HS6ST3: variants seen among roughly 807,000 people sequenced by gnomAD.
HS6ST3 encodes heparan-sulfate 6-O-sulfotransferase 3.
In HS6ST3, 12 loss-of-function variants were observed where a neutral mutation model predicts 36.7. The ratio of observed to expected loss-of-function variants is 0.33; its 90% confidence interval spans 0.21 to 0.53. The LOEUF (loss-of-function observed/expected upper bound fraction) is 0.53, where lower values mean the gene tolerates loss of function less well. HS6ST3 is among the 20% of genes least tolerant of loss of function. The pLI is 0.95. For missense variants in HS6ST3, 584 were observed against 640.9 expected (o/e 0.91, Z 0.96); for synonymous variants, 240 against 257.5 (o/e 0.93, Z 0.65).
intron 1 of HS6ST3, among the ~76,000 whole-genome samples, chr13:96,559,119 TATC>T (rs1263066079): frequency 6.2e-4 from 93 of 150,496 alleles, no homozygotes; most frequent in African/African-American, 2.2e-3. Flanking sequence ...TCTATCTATC[TATC>T]TATTTATTTA....
intron 1 of HS6ST3, among the ~76,000 whole-genome samples, chr13:96,227,875 A>T (rs1442358340): frequency 1.3e-5 from 2 of 152,190 alleles, no homozygotes; most frequent in Non-Finnish European, 2.9e-5. Context: ...TTATGATCTC[A>T]CAGTATCAAA....
chr13:96,212,172 G>GGAATT (rs2054402270), intron 1 of HS6ST3, among the ~76,000 whole-genome samples: 1 of 152,194 alleles, frequency 6.6e-6, no homozygotes. Context: ...TGGTGAGAGA[G>GGAATT]GAATTGAATT....
chr13:96,388,263 T>C (rs2055378218), intron 1 of HS6ST3, among the ~76,000 whole-genome samples: 1 of 152,196 alleles, frequency 6.6e-6, no homozygotes, highest in South Asian at 2.1e-4. Context: ...GAGTTGGATA[T>C]GGTTCTAAGA....
Position 96,327,500 on chromosome 13 carries a change from C to T in HS6ST3, c.707+235931C>T, listed in dbSNP as rs1017141820. On this transcript the variant is annotated intron_variant, in intron 1 of 1. Coordinates refer to ENST00000376705, the MANE Select transcript of HS6ST3 (RefSeq NM_153456.4). ...AGATCAGATAGTTGTAGATATGTGG[C>T]GTTATTTCTGAGGGCTCTGTTCTGT... is the stretch of plus-strand genomic sequence containing the variant. Among the ~76,000 whole-genome samples, 25 of 151,916 alleles carry T rather than the reference C, an allele frequency of 1.6e-4. 1 individual carries two copies. Among genetic ancestry groups the T allele is most frequent in the South Asian group, 8.3e-4 (4 of 4,798 alleles).
chr13:96,269,734 C>T (rs190256744), intron 1 of HS6ST3, among the ~76,000 whole-genome samples: 10 of 152,116 alleles, frequency 6.6e-5, no homozygotes, highest in Admixed American at 6.5e-4. Context: ...AAGCACACCT[C>T]CACCCAGAAT....
intron 1 of HS6ST3, among the ~76,000 whole-genome samples, chr13:96,705,258 A>C (rs180953357): frequency 6.6e-6 from 1 of 152,226 alleles, no homozygotes; most frequent in Non-Finnish European, 1.5e-5. Context: ...CTACCTAAAA[A>C]TTCTCTTTGT....
intron 1 of HS6ST3, among the ~76,000 whole-genome samples, chr13:96,429,156 A>G (rs932270754): frequency 6.6e-6 from 1 of 152,214 alleles, no homozygotes; most frequent in East Asian, 1.9e-4. Flanking sequence ...GAGCTGTTAA[A>G]CCAAGGACAG....
At chr13:96,431,840 C>A (rs1594778844) in intron 1 of HS6ST3, among the ~76,000 whole-genome samples, 1 of 152,218 alleles carries the variant, frequency 6.6e-6, no homozygotes, top group African/African-American at 2.4e-5. Context: ...AAAGCCCCAG[C>A]TCTTCAAACT....
chr13:96,602,414 A>G (rs919231967), intron 1 of HS6ST3, among the ~76,000 whole-genome samples: 2 of 152,126 alleles, frequency 1.3e-5, no homozygotes, highest in Admixed American at 6.5e-5. Flanking sequence ...TTCTTCATAC[A>G]CTGATTTTGG....
chr13:96,668,310 A>C (rs552428886), intron 1 of HS6ST3, among the ~76,000 whole-genome samples: 1 of 152,294 alleles, frequency 6.6e-6, no homozygotes, highest in South Asian at 2.1e-4. Flanking sequence ...TTATTCAGTC[A>C]TGAGAAAAAC....
At chr13:96,732,901 G>A (rs527245339) in intron 1 of HS6ST3, among the ~76,000 whole-genome samples, 2 of 152,108 alleles carry the variant, frequency 1.3e-5, no homozygotes, top group African/African-American at 4.8e-5. Context: ...TGTAACTATT[G>A]TAAATGGGCT....
intron 1 of HS6ST3, among the ~76,000 whole-genome samples, chr13:96,825,046 C>T (rs9513186): frequency 0.072 from 10,973 of 152,136 alleles, 472 homozygotes; most frequent in Middle Eastern, 0.13. Context: ...ATCCCTTCCA[C>T]GGAGGACGTG....
intron 1 of HS6ST3, among the ~76,000 whole-genome samples, chr13:96,302,246 T>G (rs1218423831): frequency 6.6e-6 from 1 of 152,132 alleles, no homozygotes; most frequent in African/African-American, 2.4e-5. Flanking sequence ...GTAATCAGAT[T>G]GTCCTACAGA....
intron 1 of HS6ST3, among the ~76,000 whole-genome samples, chr13:96,681,731 C>T (rs546825422): frequency 2.6e-4 from 40 of 152,152 alleles, no homozygotes; most frequent in African/African-American, 8.9e-4. Flanking sequence ...TCCATTACTC[C>T]CACCTCCCCC....
chr13:96,445,557 A>T (rs980484961), intron 1 of HS6ST3, among the ~76,000 whole-genome samples: 5 of 152,016 alleles, frequency 3.3e-5, no homozygotes, highest in Non-Finnish European at 5.9e-5. Flanking sequence ...TGGCAAAAAT[A>T]ATAGTAATTT....
chr13:96,334,557 A>G (rs2055090080), intron 1 of HS6ST3, among the ~76,000 whole-genome samples: 1 of 152,366 alleles, frequency 6.6e-6, no homozygotes, highest in East Asian at 1.9e-4. Flanking sequence ...TGAACTCACA[A>G]TTCCATATGG....
intron 1 of HS6ST3, among the ~76,000 whole-genome samples, chr13:96,590,393 A>T (rs2056377978): frequency 6.6e-6 from 1 of 152,060 alleles, no homozygotes; most frequent in Admixed American, 6.6e-5. Context: ...ACTAGGAGGG[A>T]GATGACATTT....
At chr13:96,574,926 G>T (rs2056315394) in intron 1 of HS6ST3, among the ~76,000 whole-genome samples, 4 of 152,182 alleles carry the variant, frequency 2.6e-5, no homozygotes, top group Admixed American at 2.6e-4. Context: ...GGGCAATGGA[G>T]ACCAACAAGA....
At chr13:96,577,277 G>C (rs947039710) in intron 1 of HS6ST3, among the ~76,000 whole-genome samples, 3 of 152,148 alleles carry the variant, frequency 2.0e-5, no homozygotes, top group African/African-American at 7.2e-5. Context: ...TTGGTTTTCT[G>C]TTCCTGTGTT....
Sources: allele counts gnomAD v4.1 joint callset (sites outside exome capture counted in the v4.1 genomes callset), GRCh38; gene constraint gnomAD v4.1.1; transcripts MANE v1.5; gene names NCBI Gene and HGNC (gene_info 2026-07-23, HGNC 2026-07-21).